Variants in MAF observed in about 807,000 individuals in gnomAD.
MAF encodes the protein MAF bZIP transcription factor, also known as transcription factor Maf.
MAF carries 10 observed loss-of-function variants against 22.0 expected under a neutral mutation model. The observed-to-expected ratio is 0.45, with a 90% confidence interval of 0.28 to 0.77. The LOEUF is 0.77. MAF is among the 30% of genes least tolerant of loss of function. MAF has a pLI of 0.12. For synonymous variants in MAF, 337 were observed against 255.8 expected (o/e 1.32, Z -3.03); for missense variants, 544 against 548.4 (o/e 0.99, Z 0.08).
At chr16:79,531,277 T>C in the MAF span, among the ~76,000 whole-genome samples, 2 of 152,174 alleles carry the variant, frequency 1.3e-5, no homozygotes, top group Non-Finnish European at 2.9e-5. Flanking sequence ...ACCTCTATCC[T>C]CTGCATCTCA....
At chr16:79,489,542 G>A in the MAF span, among the ~76,000 whole-genome samples, 1 of 152,174 alleles carries the variant, frequency 6.6e-6, no homozygotes, top group East Asian at 1.9e-4. Context: ...TTCCCTGTTG[G>A]GGAACAGAAG....
At chr16:79,274,468 G>A in the MAF span, among the ~76,000 whole-genome samples, 5 of 152,154 alleles carry the variant, frequency 3.3e-5, no homozygotes, top group Admixed American at 6.5e-5. Context: ...AAATGCACTA[G>A]GAGCTGCACC....
the MAF span, among the ~76,000 whole-genome samples, chr16:79,519,557 C>T: frequency 6.6e-6 from 1 of 152,224 alleles, no homozygotes; most frequent in Non-Finnish European, 1.5e-5. Flanking sequence ...CTTTCTGCTG[C>T]AGTACAAAAC....
the MAF span, among the ~76,000 whole-genome samples, chr16:79,219,921 T>G: frequency 6.6e-6 from 1 of 152,248 alleles, no homozygotes; most frequent in Non-Finnish European, 1.5e-5. Context: ...TGTATCATCG[T>G]ATTTAAATAG....
At chr16:79,391,918 A>G in the MAF span, among the ~76,000 whole-genome samples, 7 of 146,386 alleles carry the variant, frequency 4.8e-5, no homozygotes, top group Non-Finnish European at 9.1e-5. Context: ...GAGAAGGAGG[A>G]GGAGGAGAAG....
chr16:79,411,264 A>G, the MAF span, among the ~76,000 whole-genome samples: 1 of 152,220 alleles, frequency 6.6e-6, no homozygotes, highest in African/African-American at 2.4e-5. Flanking sequence ...CATTCAAGAC[A>G]GGTGCTCAGT....
chr16:79,568,536 G>T, the MAF span, among the ~76,000 whole-genome samples: 4 of 152,150 alleles, frequency 2.6e-5, no homozygotes, highest in African/African-American at 9.7e-5. Context: ...ATACACTGAG[G>T]CTAGAAACAT....
At chr16:79,392,135 C>A in the MAF span, among the ~76,000 whole-genome samples, 46 of 129,434 alleles carry the variant, frequency 3.6e-4, no homozygotes, top group Middle Eastern at 0.024. Flanking sequence ...AGAGAGGGAA[C>A]TGGGGAGGGG....
chr16:79,447,212 T>C, the MAF span, among the ~76,000 whole-genome samples: 2 of 152,016 alleles, frequency 1.3e-5, no homozygotes, highest in Non-Finnish European at 2.9e-5. Context: ...TCCTTAAGAA[T>C]GATGCTAAAT....
chr16:79,495,163 A>C, the MAF span, among the ~76,000 whole-genome samples: 3 of 152,186 alleles, frequency 2.0e-5, no homozygotes, highest in African/African-American at 7.2e-5. Flanking sequence ...TATTGGTGAT[A>C]GAATAGCAAA....
the MAF span, chr16:79,212,723 T>C: frequency 3.9e-5 from 6 of 152,184 alleles, no homozygotes; most frequent in African/African-American, 1.4e-4. Context: ...TTTTTGTTTT[T>C]CATTTTTTAG....
chr16:79,591,161 T>G (rs72806570), downstream of MAF, among the ~76,000 whole-genome samples: 800 of 152,242 alleles, frequency 5.3e-3, 3 homozygotes, highest in Non-Finnish European at 8.6e-3. Flanking sequence ...AAAAAATAGT[T>G]CTTTGGAATC....
the MAF span, among the ~76,000 whole-genome samples, chr16:79,440,168 T>A: frequency 6.6e-6 from 1 of 152,136 alleles, no homozygotes; most frequent in African/African-American, 2.4e-5. Flanking sequence ...CAATAGATGG[T>A]GTGTTTCTAA....
At chr16:79,221,071 C>CTTTT in the MAF span, among the ~76,000 whole-genome samples, 36 of 152,324 alleles carry the variant, frequency 2.4e-4, no homozygotes, top group African/African-American at 7.9e-4. Flanking sequence ...TTTTGCCAGC[C>CTTTT]TTTTGATAGT....
At chr16:79,394,300 T>C in the MAF span, among the ~76,000 whole-genome samples, 36 of 152,306 alleles carry the variant, frequency 2.4e-4, no homozygotes, top group Non-Finnish European at 3.5e-4. Context: ...TCCTGGCAGC[T>C]AGGAGTCAGG....
chr16:79,361,945 G>C, the MAF span, among the ~76,000 whole-genome samples: 1 of 152,170 alleles, frequency 6.6e-6, no homozygotes, highest in African/African-American at 2.4e-5. Context: ...TATAATAATT[G>C]CTATTTTGTT....
At chr16:79,524,376 G>A in the MAF span, among the ~76,000 whole-genome samples, 58 of 152,318 alleles carry the variant, frequency 3.8e-4, 1 homozygote, top group African/African-American at 1.3e-3. Flanking sequence ...GGGTTTTGTA[G>A]ATGGGGATTT....
chr16:79,470,134 G>A, the MAF span, among the ~76,000 whole-genome samples: 1 of 152,204 alleles, frequency 6.6e-6, no homozygotes, highest in Non-Finnish European at 1.5e-5. Flanking sequence ...CATTTTTCCG[G>A]GATGTGCTTA....
the MAF span, among the ~76,000 whole-genome samples, chr16:79,431,129 G>A: frequency 6.6e-6 from 1 of 152,080 alleles, no homozygotes; most frequent in African/African-American, 2.4e-5. Flanking sequence ...CACAGCTTGG[G>A]GATTCATGTG....
Sources: allele counts gnomAD v4.1 joint callset (sites outside exome capture counted in the v4.1 genomes callset), GRCh38; gene constraint gnomAD v4.1.1; transcripts MANE v1.5; gene names NCBI Gene and HGNC (gene_info 2026-07-23, HGNC 2026-07-21).